The following CNTN4 variants were observed in gnomAD, a reference collection of about 807,000 sequenced individuals.
CNTN4 encodes the protein contactin-4.
In CNTN4, 77 loss-of-function variants were observed where a neutral mutation model predicts 122.5. The ratio of observed to expected loss-of-function variants is 0.63; its 90% CI spans 0.52 to 0.76. CNTN4 has a LOEUF of 0.76. Ranked by LOEUF, CNTN4 falls within the 30% of genes least tolerant of loss-of-function variation. CNTN4 has a pLI of 0.00. For synonymous variants in CNTN4, 512 were observed against 447.0 expected (o/e 1.15, Z -1.83); for missense variants, 1,256 against 1,259.1 (o/e 1.00, Z 0.04).
At chr3:2,512,098 T>A (rs1242382965) in intron 3 of CNTN4, among the ~76,000 whole-genome samples, 2 of 152,178 alleles carry the variant, frequency 1.3e-5, no homozygotes, top group Middle Eastern at 3.2e-3. Context: ...GTGCCTGTAT[T>A]TCCAGAATTT....
intron 6 of CNTN4, among the ~76,000 whole-genome samples, chr3:2,770,035 GTTTT>G (rs879861029): frequency 0.02 from 697 of 34,136 alleles, 4 homozygotes; most frequent in South Asian, 0.06. Context: ...TTGTTTGTTT[GTTTT>G]TTTTTTTTGA....
In CNTN4 at chr3:2,481,700, G is replaced by A. The variant is rs150322209; in HGVS notation, c.-88-89716G>A. On this transcript the variant is annotated intron_variant, in intron 3 of 24. Coordinates refer to ENST00000418658, the MANE Select transcript of CNTN4 (RefSeq NM_175607.3). ...AATCACATAATCCCTATGTGTTGTG[G>A]GGGGGACCTTGTGGGAGGTAATTAA... 1.2e-4 allele frequency among the ~76,000 whole-genome samples: 19 copies of A among 152,166 alleles called. No homozygotes were observed. The East Asian group carries it at 3.7e-3, about 29-fold the overall frequency.
intron 3 of CNTN4, among the ~76,000 whole-genome samples, chr3:2,368,092 G>T (rs1054995334): frequency 6.8e-6 from 1 of 148,066 alleles, no homozygotes; most frequent in Admixed American, 6.7e-5. Flanking sequence ...GAGTGCAGTG[G>T]CGCGATCTCG....
At chr3:2,966,181 T>C (rs1416245321) in intron 13 of CNTN4, among the ~76,000 whole-genome samples, 2 of 152,210 alleles carry the variant, frequency 1.3e-5, no homozygotes, top group Non-Finnish European at 2.9e-5. Context: ...TAGTATCAAA[T>C]TTTAAAAATA....
At chr3:2,792,746 C>T (rs1688642141) in intron 6 of CNTN4, among the ~76,000 whole-genome samples, 1 of 152,170 alleles carries the variant, frequency 6.6e-6, no homozygotes, top group Non-Finnish European at 1.5e-5. Flanking sequence ...TCTTCCCACC[C>T]TTGTGAGAGA....
chr3:2,479,367 A>G (rs749256094), intron 3 of CNTN4, among the ~76,000 whole-genome samples: 46 of 152,354 alleles, frequency 3.0e-4, no homozygotes, highest in Admixed American at 1.4e-3. Context: ...TTTTCAAGGC[A>G]TAAGTCTAAG....
intron 3 of CNTN4, among the ~76,000 whole-genome samples, chr3:2,545,175 A>G (rs2078192042): frequency 6.6e-6 from 1 of 152,026 alleles, no homozygotes; most frequent in Admixed American, 6.6e-5. Context: ...AGGTAATTGT[A>G]TGGGTTTGAG....
At chr3:2,758,440 A>G (rs887686778) in intron 6 of CNTN4, among the ~76,000 whole-genome samples, 1 of 151,888 alleles carries the variant, frequency 6.6e-6, no homozygotes, top group Non-Finnish European at 1.5e-5. Context: ...ATAAAGGTGC[A>G]TATTCCATAT....
chr3:2,773,995 A>C (rs1047692941), intron 6 of CNTN4, among the ~76,000 whole-genome samples: 2 of 152,070 alleles, frequency 1.3e-5, no homozygotes, highest in Admixed American at 1.3e-4. Flanking sequence ...TTGGACCTCA[A>C]GTGATCCACT....
intron 8 of CNTN4, among the ~76,000 whole-genome samples, chr3:2,873,076 G>T (rs1208169914): frequency 1.3e-5 from 2 of 152,146 alleles, no homozygotes; most frequent in African/African-American, 4.8e-5. Context: ...ACAACTTTTA[G>T]TCATGTCCAG....
At chr3:2,848,579 A>T (rs917570079) in intron 7 of CNTN4, among the ~76,000 whole-genome samples, 15 of 152,252 alleles carry the variant, frequency 9.9e-5, no homozygotes, top group Non-Finnish European at 4.4e-5. Flanking sequence ...GCTTAAATAA[A>T]CACGGGAATT....
intron 2 of CNTN4, among the ~76,000 whole-genome samples, chr3:2,196,100 C>T (rs1220393109): frequency 2.6e-5 from 4 of 152,072 alleles, no homozygotes; most frequent in South Asian, 2.1e-4. Flanking sequence ...TTCAGAAGAC[C>T]CTAATTTATA....
chr3:2,682,399 C>A (rs951615445), intron 4 of CNTN4, among the ~76,000 whole-genome samples: 2 of 152,012 alleles, frequency 1.3e-5, no homozygotes, highest in African/African-American at 4.8e-5. Context: ...TGTCAGAGAC[C>A]CCTTTAGTCA....
intron 2 of CNTN4, among the ~76,000 whole-genome samples, chr3:2,201,737 CAAA>C: frequency 6.6e-6 from 1 of 151,678 alleles, no homozygotes; most frequent in Non-Finnish European, 1.5e-5. Flanking sequence ...GCGCTGCTGG[CAAA>C]AAAGGATATT....
chr3:2,614,241 A>G (rs2081617199), intron 4 of CNTN4, among the ~76,000 whole-genome samples: 1 of 152,172 alleles, frequency 6.6e-6, no homozygotes, highest in Non-Finnish European at 1.5e-5. Context: ...AGCTGGTGCA[A>G]AGACCCTCAG....
At chr3:2,679,916 C>T (rs1236092816) in intron 4 of CNTN4, among the ~76,000 whole-genome samples, 1 of 152,090 alleles carries the variant, frequency 6.6e-6, no homozygotes. Context: ...TTTTGCTTAT[C>T]ATTTATTTGT....
chr3:3,050,875 C>T (rs946071226), intron 23 of CNTN4, among the ~76,000 whole-genome samples: 2 of 151,866 alleles, frequency 1.3e-5, no homozygotes, highest in Non-Finnish European at 2.9e-5. Flanking sequence ...ATCTCCACAT[C>T]TCAAGTTCTC....
chr3:2,961,722 T>C (rs1458833534), intron 13 of CNTN4, among the ~76,000 whole-genome samples: 1 of 152,164 alleles, frequency 6.6e-6, no homozygotes, highest in East Asian at 1.9e-4. Flanking sequence ...CTATTATTAA[T>C]CTAAAATGCT....
At chr3:2,235,987 C>T (rs2039667319) in intron 2 of CNTN4, among the ~76,000 whole-genome samples, 2 of 152,056 alleles carry the variant, frequency 1.3e-5, no homozygotes, top group African/African-American at 4.8e-5. Flanking sequence ...ATAGGAGATA[C>T]AGCAGTGGGC....
Sources: allele counts gnomAD v4.1 joint callset (sites outside exome capture counted in the v4.1 genomes callset), GRCh38; gene constraint gnomAD v4.1.1; transcripts MANE v1.5; gene names NCBI Gene and HGNC (gene_info 2026-07-23, HGNC 2026-07-21).